The following IFIH1 variants were observed in gnomAD, a reference collection of about 807,000 sequenced individuals.
IFIH1 encodes the protein interferon induced with helicase C domain 1.
A neutral mutation model predicts 107.4 loss-of-function variants in IFIH1; 125 were observed. The observed-to-expected ratio is 1.16, with a 90% CI of 1.01 to 1.35. IFIH1 has a LOEUF of 1.35. IFIH1 is among the 40% of genes most tolerant of loss of function. The pLI is 0.00. For missense variants in IFIH1, 1,333 were observed against 1,213.7 expected, an observed-to-expected ratio of 1.10 and a Z score of -1.46; for synonymous variants, 458 against 413.2, an observed-to-expected ratio of 1.11 and a Z score of -1.31.
At chr2:162,310,724 G>A (rs775987877) in intron 2 of IFIH1, 41 bp downstream of exon 2, 60 of 1,536,014 alleles carry the variant, frequency 3.9e-5, no homozygotes, top group Non-Finnish European at 5.0e-5. Context: ...TCAATCACTA[G>A]GCAGAATTTG....
chr2:162,311,760 G>A (rs1453744157), intron 1 of IFIH1, among the ~76,000 whole-genome samples: 3 of 152,022 alleles, frequency 2.0e-5, no homozygotes, highest in Non-Finnish European at 4.4e-5. Flanking sequence ...AGTTAGGCAG[G>A]ACATCATTAG....
rs376116707 is a variant in IFIH1, at chr2:162,267,359, C to G, written c.2919G>C (p.Val973=). ...KCGQAWGTMM[V]HKGLDLPCLK... ...GACAAGGCAAATCTAAGCCTTTGTG[C>G]ACCATCATTGTTCCCCAAGCCTGGA... Residue 973 remains valine, a synonymous_variant, in exon 16 of 16, where the codon GTG becomes GTC. Coordinates refer to ENST00000649979, the MANE Select transcript of IFIH1 (RefSeq NM_022168.4). 78 of 1,613,750 alleles carry G rather than the reference C, an allele frequency of 4.8e-5. 1 individual carries two copies. Among genetic ancestry groups the G allele is most frequent in the Middle Eastern group, 1.7e-4 (1 of 6,058 alleles).
chr2:162,285,684 C>A (rs979083760), intron 5 of IFIH1, among the ~76,000 whole-genome samples: 1 of 151,778 alleles, frequency 6.6e-6, no homozygotes, highest in African/African-American at 2.4e-5. Flanking sequence ...TAAACATAGC[C>A]ATAAATGTGC....
chr2:162,317,614 G>C (rs1683524686), intron 1 of IFIH1, among the ~76,000 whole-genome samples: 1 of 152,210 alleles, frequency 6.6e-6, no homozygotes, highest in Non-Finnish European at 1.5e-5. Context: ...AAAGTTACCT[G>C]TTAATACACA....
intron 3 of IFIH1, among the ~76,000 whole-genome samples, chr2:162,305,736 A>C (rs747213700): frequency 6.6e-6 from 1 of 152,180 alleles, no homozygotes; most frequent in Non-Finnish European, 1.5e-5. Flanking sequence ...AAATTGTATA[A>C]ACTTACCATA....
At chr2:162,302,001 A>T (rs892432893) in intron 3 of IFIH1, among the ~76,000 whole-genome samples, 2 of 152,330 alleles carry the variant, frequency 1.3e-5, no homozygotes, top group East Asian at 3.9e-4. Flanking sequence ...GAAGCAATTG[A>T]TTTGTAAACA....
At chr2:162,308,403 G>T (rs903853371) in intron 2 of IFIH1, among the ~76,000 whole-genome samples, 2 of 145,962 alleles carry the variant, frequency 1.4e-5, no homozygotes, top group African/African-American at 2.5e-5. Flanking sequence ...TTTTTGAGAC[G>T]GAGTCTTGCT....
intron 3 of IFIH1, among the ~76,000 whole-genome samples, chr2:162,299,727 T>C (rs1469488185): frequency 2.0e-5 from 3 of 152,200 alleles, no homozygotes; most frequent in Non-Finnish European, 2.9e-5. Flanking sequence ...AATGGTGTAC[T>C]TTTAAAAGTG....
intron 3 of IFIH1, among the ~76,000 whole-genome samples, chr2:162,303,299 A>G (rs1683223554): frequency 6.6e-6 from 1 of 152,116 alleles, no homozygotes; most frequent in African/African-American, 2.4e-5. Flanking sequence ...TATTTTTAAT[A>G]CAGATAGGGC....
At chr2:162,309,360 C>A (rs1261290413) in intron 2 of IFIH1, among the ~76,000 whole-genome samples, 2 of 152,158 alleles carry the variant, frequency 1.3e-5, no homozygotes, top group Non-Finnish European at 2.9e-5. Flanking sequence ...CCCTTTGAAA[C>A]CAAAAAGGAA....
chr2:162,273,695 A>G, intron 12 of IFIH1, 100 bp downstream of exon 12: 1 of 926,898 alleles, frequency 1.1e-6, no homozygotes. Flanking sequence ...TTGTTTTAAA[A>G]ACTAAAAAGA....
At chr2:162,314,249 G>T (rs1243797910) in intron 1 of IFIH1, among the ~76,000 whole-genome samples, 1 of 152,030 alleles carries the variant, frequency 6.6e-6, no homozygotes, top group African/African-American at 2.4e-5. Flanking sequence ...TACCATTAAG[G>T]ATTGCTTTAT....
At chr2:162,308,449 G>A (rs371879081) in intron 2 of IFIH1, among the ~76,000 whole-genome samples, 10 of 149,810 alleles carry the variant, frequency 6.7e-5, no homozygotes, top group East Asian at 3.9e-4. Context: ...GCATGATCTC[G>A]GCTCACTGCA....
At chr2:162,292,853 T>G (rs551379076) in intron 4 of IFIH1, among the ~76,000 whole-genome samples, 116 of 151,902 alleles carry the variant, frequency 7.6e-4, no homozygotes, top group African/African-American at 2.7e-3. Context: ...ATGTTAACAT[T>G]TTAGCTTAGT....
chr2:162,285,124 G>T (rs954227280), intron 5 of IFIH1, among the ~76,000 whole-genome samples: 16 of 151,924 alleles, frequency 1.1e-4, no homozygotes, highest in Non-Finnish European at 2.1e-4. Context: ...CTTGAGATGT[G>T]ACAGAGTGCC....
chr2:162,288,034 A>C (rs1044223733), intron 5 of IFIH1, 101 bp downstream of exon 5: 4 of 685,350 alleles, frequency 5.8e-6, no homozygotes, highest in African/African-American at 3.6e-5. Flanking sequence ...ACTCTTAATT[A>C]AACTAAACAT....
chr2:162,311,771 C>T (rs923810716), intron 1 of IFIH1, among the ~76,000 whole-genome samples: 4 of 152,084 alleles, frequency 2.6e-5, no homozygotes, highest in Non-Finnish European at 4.4e-5. Flanking sequence ...ACATCATTAG[C>T]TTTCTGTGGC....
chr2:162,290,591 C>A (rs1000301196), intron 4 of IFIH1, among the ~76,000 whole-genome samples: 1 of 151,878 alleles, frequency 6.6e-6, no homozygotes, highest in East Asian at 1.9e-4. Flanking sequence ...ATATGCCAGG[C>A]ACTCTCAATA....
rs774076578 is a variant in IFIH1, at chr2:162,277,422, T to TA, written c.2036dup (p.Leu679PhefsTer4). 2.5e-6 allele frequency: 4 copies of TA among 1,606,658 alleles called. No individual in the cohort carries two copies. Among genetic ancestry groups the TA allele is most frequent in the Non-Finnish European group, 3.4e-6 (4 of 1,174,900 alleles). ...TGTTACTTTGAATCTTACCAAAAAA[T>TA]AAAGTCATGAGAAATCTATCTGTTT... On this transcript the variant is annotated frameshift_variant, in exon 10 of 16. Transcript: ENST00000649979. LOFTEE classifies it high-confidence loss of function.
Sources: gnomAD v4.1 joint callset for allele counts (sites outside exome capture counted in the v4.1 genomes callset) on GRCh38, gnomAD v4.1.1 for gene constraint, MANE v1.5 for transcripts, NCBI Gene and HGNC (gene_info 2026-07-23, HGNC 2026-07-21) for gene names.